NBAS: variants seen among roughly 807,000 people sequenced by gnomAD.
NBAS encodes NBAS subunit of NRZ tethering complex, also known as NAG/BC035112 fusion.
In NBAS, 219 loss-of-function variants were observed where a neutral mutation model predicts 302.5. The ratio of observed to expected loss-of-function variants is 0.72; its 90% CI spans 0.65 to 0.81. NBAS has a LOEUF of 0.81. Ranked by LOEUF, NBAS falls within the 30% of genes least tolerant of loss-of-function variation. The pLI, the probability that NBAS is intolerant of heterozygous loss-of-function variation, is 0.00. For missense variants in NBAS, 2,932 were observed against 2,841.6 expected (o/e 1.03, Z -0.72); for synonymous variants, 1,118 against 1,021.6 (o/e 1.09, Z -1.80).
chr2:15,551,857 T>A lies in NBAS; in HGVS notation c.336-321A>T, dbSNP rs147462569. Reference sequence around the variant, plus strand: ...CCCAAAGGTTCTGAATCAAGAAATGTGGGATGGGGCCCAAGCAAAAATATT... The same window carrying A: ...CCCAAAGGTTCTGAATCAAGAAATGAGGGATGGGGCCCAAGCAAAAATATT... On this transcript the variant is annotated intron_variant, in intron 5 of 51. Coordinates refer to ENST00000281513, the MANE Select transcript of NBAS (RefSeq NM_015909.4). 3.9e-3 allele frequency among the ~76,000 whole-genome samples: 594 copies of A among 152,294 alleles called. 3 individuals are homozygous for A. The highest frequency in any genetic ancestry group is 0.012 in the African/African-American group (488 of 41,566).
intron 48 of NBAS, 39 bp from the exon 49 acceptor site, chr2:15,190,442 G>A (rs143350151): frequency 6.2e-7 from 1 of 1,611,596 alleles, no homozygotes; most frequent in Non-Finnish European, 8.5e-7. Flanking sequence ...GGTGGCAAAG[G>A]CTACTGAATT....
chr2:15,031,357 T>A, the NBAS span, among the ~76,000 whole-genome samples: 2 of 152,168 alleles, frequency 1.3e-5, no homozygotes, highest in Non-Finnish European at 2.9e-5. Context: ...TCTCAACATG[T>A]CCACAGTCCT....
In NBAS at chr2:15,309,179, A is replaced by G. The variant is rs759664572; in HGVS notation, c.4651T>C (p.Leu1551=). Residue 1551 remains leucine (L), a synonymous_variant, in exon 39 of 52, where the codon TTA becomes CTA. Coordinates refer to ENST00000281513, the MANE Select transcript of NBAS (RefSeq NM_015909.4). ...MTLALAYLLA[L]PQVLDANRCF... ...GGTAAGGGCAAACTTACTTGTGGTA[A>G]GGCAAGAAGGTAAGCAAGAGCCAAG... 5 of 1,612,358 alleles carry G rather than the reference A, an allele frequency of 3.1e-6. No homozygotes were observed. The highest frequency in any genetic ancestry group is 4.2e-6 in the Non-Finnish European group (5 of 1,178,950).
intron 44 of NBAS, among the ~76,000 whole-genome samples, chr2:15,247,083 G>A (rs930473379): frequency 5.3e-5 from 8 of 152,146 alleles, no homozygotes; most frequent in African/African-American, 1.4e-4. Context: ...ATGTGAAGAG[G>A]TCACTAGTCA....
At chr2:15,200,992 T>C (rs75399658) in intron 48 of NBAS, among the ~76,000 whole-genome samples, 4,671 of 152,296 alleles carry the variant, frequency 0.031, 93 homozygotes, top group Non-Finnish European at 0.053. Flanking sequence ...ACTTTATAAA[T>C]AGACAAGATT....
the NBAS span, among the ~76,000 whole-genome samples, chr2:14,982,016 TG>T: frequency 6.6e-6 from 1 of 152,166 alleles, no homozygotes; most frequent in Non-Finnish European, 1.5e-5. Context: ...ATGGCAAAAG[TG>T]GTGTTCTAGG....
chr2:14,889,273 T>C, the NBAS span, among the ~76,000 whole-genome samples: 2 of 152,256 alleles, frequency 1.3e-5, no homozygotes, highest in African/African-American at 4.8e-5. Flanking sequence ...CTTTGCACAC[T>C]GTTGCTGCTC....
chr2:15,171,471 TA>T (rs2125102762), intron 51 of NBAS, among the ~76,000 whole-genome samples: 1 of 152,396 alleles, frequency 6.6e-6, no homozygotes, highest in East Asian at 1.9e-4. Flanking sequence ...TTAAAAATTT[TA>T]ATGGCTGCAA....
chr2:15,491,723 G>A (rs982369078), intron 11 of NBAS, among the ~76,000 whole-genome samples: 2 of 150,530 alleles, frequency 1.3e-5, no homozygotes, highest in Admixed American at 6.6e-5. Context: ...GCGACAGAGT[G>A]AGACTCCATC....
chr2:14,816,869 G>A, the NBAS span, among the ~76,000 whole-genome samples: 1 of 152,172 alleles, frequency 6.6e-6, no homozygotes, highest in East Asian at 1.9e-4. Context: ...CTGCAGATGT[G>A]GAGCGAGCCA....
At chr2:14,936,517 T>C in the NBAS span, among the ~76,000 whole-genome samples, 1 of 152,170 alleles carries the variant, frequency 6.6e-6, no homozygotes, top group Non-Finnish European at 1.5e-5. Context: ...ATCAGTTCAT[T>C]CAATGCAATG....
At chr2:15,419,143 T>C (rs1313161924) in intron 23 of NBAS, among the ~76,000 whole-genome samples, 1 of 152,162 alleles carries the variant, frequency 6.6e-6, no homozygotes, top group Non-Finnish European at 1.5e-5. Flanking sequence ...ATTTCTAATA[T>C]ACTGGGCAAA....
At chr2:14,801,246 A>T in the NBAS span, among the ~76,000 whole-genome samples, 1 of 152,004 alleles carries the variant, frequency 6.6e-6, no homozygotes, top group Non-Finnish European at 1.5e-5. Context: ...TTAGGCTTGG[A>T]TATTTTTCTG....
intron 24 of NBAS, among the ~76,000 whole-genome samples, chr2:15,416,484 G>A (rs901609415): frequency 3.9e-5 from 6 of 152,174 alleles, no homozygotes; most frequent in Admixed American, 2.0e-4. Flanking sequence ...ATGAGATAAC[G>A]GGAAAGTAAA....
the NBAS span, among the ~76,000 whole-genome samples, chr2:14,945,951 C>G: frequency 6.6e-6 from 1 of 152,092 alleles, no homozygotes; most frequent in South Asian, 2.1e-4. Flanking sequence ...CGTGGTGGCA[C>G]GTGCCTGTAA....
At chr2:15,105,938 G>T in the NBAS span, among the ~76,000 whole-genome samples, 3 of 152,092 alleles carry the variant, frequency 2.0e-5, no homozygotes, top group African/African-American at 7.2e-5. Context: ...ATTCCCTTTC[G>T]CCTTGAGCTA....
At chr2:14,902,731 C>T in the NBAS span, among the ~76,000 whole-genome samples, 7 of 152,036 alleles carry the variant, frequency 4.6e-5, no homozygotes, top group African/African-American at 9.6e-5. Flanking sequence ...GGAGGAGTAT[C>T]GAAAAATGGT....
chr2:14,799,511 C>A, the NBAS span, among the ~76,000 whole-genome samples: 1 of 152,000 alleles, frequency 6.6e-6, no homozygotes, highest in Non-Finnish European at 1.5e-5. Context: ...TATTTTTCTT[C>A]ACTTGAAGAA....
At chr2:15,415,399 A>G (rs1312503829) in intron 25 of NBAS, 147 bp downstream of exon 25, 2 of 772,950 alleles carry the variant, frequency 2.6e-6, no homozygotes, top group Non-Finnish European at 4.3e-6. Flanking sequence ...ATGCTGTTAA[A>G]ACTTTTTAAA....
Sources: allele counts gnomAD v4.1 joint callset (sites outside exome capture counted in the v4.1 genomes callset), GRCh38; gene constraint gnomAD v4.1.1; transcripts MANE v1.5; gene names NCBI Gene and HGNC (gene_info 2026-07-23, HGNC 2026-07-21).